GALNT15: variants seen among roughly 807,000 people sequenced by gnomAD.
The protein encoded by GALNT15 is polypeptide N-acetylgalactosaminyltransferase 15.
Under a neutral mutation model 66.8 loss-of-function variants are expected in GALNT15, and 67 were observed. That is an observed-to-expected ratio of 1.00 (90% CI 0.82 to 1.23). The LOEUF is 1.23. Among genes scored for constraint, GALNT15 ranks in the 50% most tolerant of loss-of-function variants. The pLI is 0.00. For missense variants in GALNT15, 827 were observed against 804.3 expected (o/e 1.03, Z -0.34); for synonymous variants, 313 against 311.5 (o/e 1.00, Z -0.05).
downstream of GALNT15, chr3:16,231,877 A>G (rs1262784009): frequency 3.9e-6 from 6 of 1,536,196 alleles, no homozygotes; most frequent in Non-Finnish European, 5.2e-6. This position sits in a 1 kb window ranked among gnomAD's most constrained non-coding sequence, Gnocchi z 4.1. Context: ...TGGGTAGGAC[A>G]TCATTTGCTT....
At chr3:16,210,249 C>A (rs1457303563) in intron 4 of GALNT15, among the ~76,000 whole-genome samples, 1 of 152,202 alleles carries the variant, frequency 6.6e-6, no homozygotes, top group African/African-American at 2.4e-5. Flanking sequence ...AGACACATAG[C>A]CCACCTAAGA....
chr3:16,235,847 G>C (rs1439308114), downstream of GALNT15, among the ~76,000 whole-genome samples: 1 of 152,058 alleles, frequency 6.6e-6, no homozygotes. Flanking sequence ...GCTCATGCCT[G>C]TAATCCCAGC....
chr3:16,232,757 G>A (rs1012994863), downstream of GALNT15, among the ~76,000 whole-genome samples: 5 of 151,372 alleles, frequency 3.3e-5, no homozygotes, highest in East Asian at 1.9e-4. Context: ...TGAGACAACC[G>A]GAAATGATTT....
rs144674620 is a variant in GALNT15, at chr3:16,217,147, C to T, written c.1393-2256C>T. 4.2e-3 allele frequency among the ~76,000 whole-genome samples: 646 copies of T among 152,314 alleles called. 2 individuals are homozygous for T. Among genetic ancestry groups the T allele is most frequent in the Non-Finnish European group, 4.7e-3 (323 of 68,034 alleles). ...CATTTAACCTCTAAGAACTCAGTAA[C>T]TGTTGTGAGTATACTATAAAATGAA... On this transcript the variant is annotated intron_variant, in intron 6 of 9. Coordinates refer to ENST00000339732, the MANE Select transcript of GALNT15 (RefSeq NM_054110.5).
chr3:16,211,670 C>T lies in GALNT15; in HGVS notation c.1197+429C>T, dbSNP rs752042246. Among the ~76,000 whole-genome samples the T allele has an allele frequency of 1.7e-4, 26 of 152,302 alleles. No individual in the cohort carries two copies. The highest frequency in any genetic ancestry group is 5.9e-4 in the Admixed American group (9 of 15,290). On this transcript the variant is annotated intron_variant, in intron 5 of 9. Coordinates refer to ENST00000339732, the MANE Select transcript of GALNT15 (RefSeq NM_054110.5). This position sits in a 1 kb window ranked among gnomAD's most constrained non-coding sequence, Gnocchi z 4.3. ...ATAAAAACTTAGCACCTGTTGGGCA[C>T]CACACAACTTCTCAAACCTTGGAGT...
At chr3:16,220,088 C>T in intron 8 of GALNT15, 74 bp downstream of exon 8, 3 of 1,086,300 alleles carry the variant, frequency 2.8e-6, no homozygotes, top group Non-Finnish European at 4.3e-6. Flanking sequence ...TTCTGGGATG[C>T]CCCATACTTC....
chr3:16,195,894 A>G lies in GALNT15; in HGVS notation c.674A>G (p.Glu225Gly). 1 of 1,614,150 alleles carries G rather than the reference A, an allele frequency of 6.2e-7. No homozygotes were observed. Among genetic ancestry groups the G allele is most frequent in the Non-Finnish European group, 8.5e-7 (1 of 1,180,012 alleles). ...LDTVPRAFLK[E>G]IILVDDLSQQ... ...ACAGTGCCCAGGGCCTTCCTGAAGG[A>G]GATCATCCTCGTGGACGACCTCAGC... The change falls in exon 2 of 10, where the codon GAG (glutamate) becomes GGG (glycine). Residue 225 changes from glutamate (E) to glycine (G), a missense_variant. Coordinates refer to ENST00000339732, the MANE Select transcript of GALNT15 (RefSeq NM_054110.5). The surrounding 1 kb of genome is among the most constrained non-coding windows in gnomAD (Gnocchi z 4.6).
intron 3 of GALNT15, among the ~76,000 whole-genome samples, 178 bp from the exon 4 acceptor site, chr3:16,208,325 T>C (rs531029856): frequency 6.6e-6 from 1 of 152,338 alleles, no homozygotes; most frequent in South Asian, 2.1e-4. Flanking sequence ...ATTTTTTCCA[T>C]ACTAAGTATT....
chr3:16,203,150 T>A lies in GALNT15; in HGVS notation c.911+2327T>A, dbSNP rs1332821549. The stretch of plus-strand genomic sequence containing the variant: ...TCGTAGCTGAGTCAGATTTTCTGAC[T>A]CTGGGTCCAGTGCTGTTTTTATTGT... On this transcript the variant is annotated intron_variant, in intron 3 of 9. Transcript: ENST00000339732. This position sits in a 1 kb window ranked among gnomAD's most constrained non-coding sequence, Gnocchi z 6.2. Among the ~76,000 whole-genome samples the A allele has an allele frequency of 6.6e-6, 1 of 152,176 alleles. No individual in the cohort carries two copies. The highest frequency in any genetic ancestry group is 2.4e-5 in the African/African-American group (1 of 41,444).
chr3:16,181,140 G>A lies in GALNT15; in HGVS notation c.539+5450G>A, dbSNP rs2063466235. 6.6e-6 allele frequency among the ~76,000 whole-genome samples: 1 copy of A among 152,186 alleles called. No individual in the cohort carries two copies. Among genetic ancestry groups the A allele is most frequent in the Admixed American group, 6.5e-5 (1 of 15,276 alleles). On this transcript the variant is annotated intron_variant, in intron 1 of 9. Coordinates refer to ENST00000339732, the MANE Select transcript of GALNT15 (RefSeq NM_054110.5). This position sits in a 1 kb window ranked among gnomAD's most constrained non-coding sequence, Gnocchi z 5.9. The stretch of plus-strand genomic sequence containing the variant: ...AAAATGGAGCTGTGGATATCATATT[G>A]CTGTCCTTTTTCTGACTGAAAAGTT...
chr3:16,197,365 T>C (rs1048570538), intron 2 of GALNT15, among the ~76,000 whole-genome samples: 11 of 152,152 alleles, frequency 7.2e-5, no homozygotes, highest in African/African-American at 1.9e-4. Context: ...AGTGGCCCCA[T>C]ATTTCCTGTT....
chr3:16,178,782 G>A (rs948971799), intron 1 of GALNT15, among the ~76,000 whole-genome samples: 1 of 152,218 alleles, frequency 6.6e-6, no homozygotes, highest in African/African-American at 2.4e-5. Context: ...CAGTATGCGG[G>A]CCCTGCACCG....
In GALNT15 at chr3:16,211,375, T is replaced by C. The variant is rs926435916; in HGVS notation, c.1197+134T>C. The stretch of plus-strand genomic sequence containing the variant: ...GGAAAATTATAAAGTCATTCCTGTG[T>C]TGTGTGTCAAACCTCCCATTTCTCA... On this transcript the variant is annotated intron_variant, in intron 5 of 9. Transcript: ENST00000339732. The surrounding 1 kb of genome is among the most constrained non-coding windows in gnomAD (Gnocchi z 4.3). The C allele has an allele frequency of 1.6e-6, 1 of 624,032 alleles. No individual in the cohort carries two copies. Among genetic ancestry groups the C allele is most frequent in the African/African-American group, 1.8e-5 (1 of 54,726 alleles). 38.7% of individuals were successfully genotyped at this position (624,032 alleles called of 1,614,324 possible). A position where few individuals can be genotyped will look rare whatever the true frequency, so the allele number is the denominator to read the frequency against.
intron 6 of GALNT15, among the ~76,000 whole-genome samples, chr3:16,218,677 T>C (rs564074882): frequency 8.5e-5 from 13 of 152,302 alleles, no homozygotes; most frequent in Middle Eastern, 3.4e-3. Context: ...CAATTGCCTA[T>C]GGGTCAGTTC....
rs979988166 is a variant in GALNT15, at chr3:16,198,701, A to G, written c.707-1918A>G. The stretch of plus-strand genomic sequence containing the variant: ...AAGTAACACATCAACGAAGCATTTT[A>G]CCAGTGAGAATTGCAACAGCCCAGT... On this transcript the variant is annotated intron_variant, in intron 2 of 9. Transcript: ENST00000339732. Among the ~76,000 whole-genome samples, 6 of 142,880 alleles carry G rather than the reference A, an allele frequency of 4.2e-5. 2 individuals carry two copies. The highest frequency in any genetic ancestry group is 9.3e-5 in the Non-Finnish European group (6 of 64,392). 93.7% of individuals were successfully genotyped at this position (142,880 alleles called of 152,430 possible). A position where few individuals can be genotyped will look rare whatever the true frequency, so the allele number is the denominator to read the frequency against.
intron 4 of GALNT15, among the ~76,000 whole-genome samples, chr3:16,210,206 AT>A (rs1320990441): frequency 6.6e-6 from 1 of 152,228 alleles, no homozygotes; most frequent in Non-Finnish European, 1.5e-5. Context: ...ACACTATTTT[AT>A]CCCCAATTAG....
chr3:16,200,796 C>T lies in GALNT15; in HGVS notation c.884C>T (p.Pro295Leu). Reference sequence around the variant, plus strand: ...GAGTGCCACCCAGGCTGGCTGGAGCCCCTCCTCAGCAGAATAGCTGGTGAC... The same window carrying T: ...GAGTGCCACCCAGGCTGGCTGGAGCTCCTCCTCAGCAGAATAGCTGGTGAC... ...HCECHPGWLE[P>L]LLSRIAGDRS... The change falls in exon 3 of 10, where the codon CCC (proline) becomes CTC (leucine). Residue 295 changes from proline to leucine, a missense_variant. Pro to Leu is a moderately conservative substitution (Grantham distance 98, BLOSUM62 -3). Coordinates refer to ENST00000339732, the MANE Select transcript of GALNT15 (RefSeq NM_054110.5). The surrounding 1 kb of genome is among the most constrained non-coding windows in gnomAD (Gnocchi z 4.4). 6.2e-7 allele frequency: 1 copy of T among 1,610,446 alleles called. No individual in the cohort carries two copies. Among genetic ancestry groups the T allele is most frequent in the East Asian group, 2.2e-5 (1 of 44,516 alleles).
chr3:16,196,789 T>C lies in GALNT15; in HGVS notation c.706+863T>C, dbSNP rs557464957. ...TTGGCTTGGGCGTGAGGCCTACATT[T>C]CTGGCACAACTAAATGACCTAGGGA... On this transcript the variant is annotated intron_variant, in intron 2 of 9. Transcript: ENST00000339732. Among the ~76,000 whole-genome samples the C allele has an allele frequency of 2.0e-5, 3 of 152,336 alleles. No homozygotes were observed. In the East Asian group the frequency reaches 5.8e-4, roughly 29 times the overall value.
chr3:16,176,587 C>T lies in GALNT15; in HGVS notation c.539+897C>T, dbSNP rs1220753258. Among the ~76,000 whole-genome samples the T allele has an allele frequency of 6.6e-6, 1 of 152,220 alleles. No individual in the cohort carries two copies. The highest frequency in any genetic ancestry group is 6.5e-5 in the Admixed American group (1 of 15,284). On this transcript the variant is annotated intron_variant, in intron 1 of 9. Coordinates refer to ENST00000339732, the MANE Select transcript of GALNT15 (RefSeq NM_054110.5). The surrounding 1 kb of genome is among the most constrained non-coding windows in gnomAD (Gnocchi z 5.6). ...GAGCTGTGCCCAGGGAGATGCTGGCCCATCCTCCACACCCCCTGCTCCCTT... is the reference window on the plus strand; with the variant it reads ...GAGCTGTGCCCAGGGAGATGCTGGCTCATCCTCCACACCCCCTGCTCCCTT...
Sources: allele counts gnomAD v4.1 joint callset (sites outside exome capture counted in the v4.1 genomes callset), GRCh38; gene constraint gnomAD v4.1.1; non-coding constraint Gnocchi (gnomAD v3.1); transcripts MANE v1.5; gene names NCBI Gene and HGNC (gene_info 2026-07-23, HGNC 2026-07-21).